DLGAP2: variants seen among roughly 807,000 people sequenced by gnomAD.
The protein encoded by DLGAP2 is disks large-associated protein 2.
Under a neutral mutation model 100.3 loss-of-function variants are expected in DLGAP2, and 26 were observed. That is an observed-to-expected ratio of 0.26 (90% CI 0.19 to 0.36). DLGAP2 has a LOEUF of 0.36. Among genes scored for constraint, DLGAP2 ranks in the 10% least tolerant of loss-of-function variants. DLGAP2 has a pLI of 1.00. For synonymous variants in DLGAP2, 886 were observed against 630.1 expected (o/e 1.41, Z -6.08); for missense variants, 1,858 against 1,453.2 (o/e 1.28, Z -4.53).
At chr8:1,604,906 C>T (rs1182621056) in intron 6 of DLGAP2, among the ~76,000 whole-genome samples, 2 of 152,192 alleles carry the variant, frequency 1.3e-5, no homozygotes, top group African/African-American at 4.8e-5. Flanking sequence ...GTTAGAATCG[C>T]TGAGCTTAGC....
chr8:1,275,421 C>G (rs866884342), intron 3 of DLGAP2, among the ~76,000 whole-genome samples: 1 of 151,036 alleles, frequency 6.6e-6, no homozygotes, highest in Non-Finnish European at 1.5e-5. Flanking sequence ...TCACATACAT[C>G]ACATTTACCA....
At chr8:1,188,911 C>G (rs1260412606) in intron 2 of DLGAP2, among the ~76,000 whole-genome samples, 1 of 152,222 alleles carries the variant, frequency 6.6e-6, no homozygotes, top group Non-Finnish European at 1.5e-5. Context: ...TCTCCTCACA[C>G]AGGTTGCCTT....
chr8:1,013,451 C>A (rs1041983030), intron 2 of DLGAP2, among the ~76,000 whole-genome samples: 1 of 151,962 alleles, frequency 6.6e-6, no homozygotes, highest in African/African-American at 2.4e-5. Flanking sequence ...CAGCAGGAAT[C>A]GGAATAGGAG....
intron 12 of DLGAP2, 145 bp downstream of exon 12, chr8:1,678,774 A>C (rs1798873793): frequency 1.2e-6 from 1 of 841,104 alleles, no homozygotes; most frequent in South Asian, 3.2e-5. Context: ...TATCCCCCTC[A>C]ATTCTAAGAA....
At chr8:1,683,629 G>A (rs1448185726) in intron 12 of DLGAP2, among the ~76,000 whole-genome samples, 1 of 150,360 alleles carries the variant, frequency 6.7e-6, no homozygotes, top group African/African-American at 2.4e-5. Flanking sequence ...AATAGGAATG[G>A]GGAGGAAGAG....
chr8:1,455,535 C>T (rs1798288335), intron 3 of DLGAP2, among the ~76,000 whole-genome samples: 1 of 152,226 alleles, frequency 6.6e-6, no homozygotes, highest in African/African-American at 2.4e-5. Context: ...GGAAGTCAGT[C>T]CGCCTGACAC....
At chr8:744,679 C>T (rs1041578329) in intron 1 of DLGAP2, among the ~76,000 whole-genome samples, 12 of 151,084 alleles carry the variant, frequency 7.9e-5, no homozygotes, top group South Asian at 2.1e-4. Flanking sequence ...GCCTCTTCTC[C>T]GGCCACGTCG....
Position 1,632,981 on chromosome 8 carries a change from A to G in DLGAP2, c.1745A>G (p.Gln582Arg). Residue 582 changes from glutamine to arginine, a missense_variant, in exon 8 of 15, where the codon CAA becomes CGA. Gln to Arg is a conservative substitution (Grantham distance 43, BLOSUM62 1). Coordinates refer to ENST00000637795, the MANE Select transcript of DLGAP2 (RefSeq NM_001346810.2). Reference sequence around the variant, plus strand: ...CGAGCCATTCAAGCCGGCTACTCCCAAGATGACGAATGTATTCCCATGATG... The same window carrying G: ...CGAGCCATTCAAGCCGGCTACTCCCGAGATGACGAATGTATTCCCATGATG... ...YLRAIQAGYS[Q>R]DDECIPMMTP... 1 of 1,614,006 alleles carries G rather than the reference A, an allele frequency of 6.2e-7. No individual in the cohort carries two copies. Among genetic ancestry groups the G allele is most frequent in the Non-Finnish European group, 8.5e-7 (1 of 1,179,886 alleles).
intron 3 of DLGAP2, among the ~76,000 whole-genome samples, chr8:1,270,359 G>T (rs190737394): frequency 6.6e-6 from 1 of 152,214 alleles, no homozygotes; most frequent in African/African-American, 2.4e-5. Context: ...GGGCAATGGG[G>T]AGAATGAATG....
intron 4 of DLGAP2, among the ~76,000 whole-genome samples, chr8:1,510,628 A>G (rs561191871): frequency 6.6e-6 from 1 of 152,344 alleles, no homozygotes; most frequent in South Asian, 2.1e-4. Flanking sequence ...TGAAGGTCAC[A>G]GGACGCGCAT....
chr8:1,655,375 A>G (rs1302466382), intron 8 of DLGAP2, among the ~76,000 whole-genome samples: 2 of 152,172 alleles, frequency 1.3e-5, no homozygotes, highest in African/African-American at 4.8e-5. Flanking sequence ...CTTTTATGCT[A>G]TCATCCTTGA....
chr8:1,668,530 A>T lies in DLGAP2; in HGVS notation c.2012A>T (p.Lys671Met), dbSNP rs1481244544. 6.3e-7 allele frequency: 1 copy of T among 1,593,422 alleles called. No individual in the cohort carries two copies. Among genetic ancestry groups the T allele is most frequent in the Non-Finnish European group, 8.5e-7 (1 of 1,171,058 alleles). Reference sequence around the variant, plus strand: ...TCCACGGACAGCCTGGACAGCAACAAGGCCATGAACCTCGCGCTGGAAACG... The same window carrying T: ...TCCACGGACAGCCTGGACAGCAACATGGCCATGAACCTCGCGCTGGAAACG... ...YNSTDSLDSNKAMNLALETAA... is the reference protein window; with the variant it reads ...YNSTDSLDSNMAMNLALETAA... Residue 671 changes from lysine (K) to methionine (M), a missense_variant, in exon 9 of 15, where the codon AAG becomes ATG. By Grantham distance (95) the Lys-to-Met change is moderately conservative (BLOSUM62 -1). Coordinates refer to ENST00000637795, the MANE Select transcript of DLGAP2 (RefSeq NM_001346810.2).
chr8:1,175,692 A>C (rs970348084), intron 2 of DLGAP2, among the ~76,000 whole-genome samples: 1 of 152,212 alleles, frequency 6.6e-6, no homozygotes, highest in African/African-American at 2.4e-5. Context: ...TTTAGGGGTT[A>C]GATATCAGCA....
rs543573806 is a variant in DLGAP2 at position 817,417 on chromosome 8, C to T, written c.18+79592C>T. Among the ~76,000 whole-genome samples the T allele has an allele frequency of 3.9e-5, 6 of 152,344 alleles. No individual in the cohort carries two copies. The East Asian group carries it at 9.7e-4, about 25-fold the overall frequency. ...TTAAGTTGGACTTCACCTTTCTCTGCTGCGTCCTTGATTAGCTTAATAATT... is the reference window on the plus strand; with the variant it reads ...TTAAGTTGGACTTCACCTTTCTCTGTTGCGTCCTTGATTAGCTTAATAATT... On this transcript the variant is annotated intron_variant, in intron 1 of 14. Transcript: ENST00000637795.
intron 2 of DLGAP2, among the ~76,000 whole-genome samples, chr8:1,040,748 T>C (rs981145571): frequency 6.6e-6 from 1 of 151,954 alleles, no homozygotes; most frequent in Non-Finnish European, 1.5e-5. Flanking sequence ...TCAGAAGAGG[T>C]GCATATGAGG....
At chr8:745,378 G>A (rs1057280314) in intron 1 of DLGAP2, among the ~76,000 whole-genome samples, 7 of 152,208 alleles carry the variant, frequency 4.6e-5, no homozygotes. Context: ...AAATGTTCTA[G>A]GTTGTCACTA....
chr8:796,260 C>CTGA (rs1796034933), intron 1 of DLGAP2, among the ~76,000 whole-genome samples: 2 of 152,190 alleles, frequency 1.3e-5, no homozygotes, highest in Admixed American at 1.3e-4. Context: ...CGGTGATGAG[C>CTGA]TGACTCTGGT....
At chr8:1,655,758 C>T (rs895323199) in intron 8 of DLGAP2, among the ~76,000 whole-genome samples, 1 of 152,246 alleles carries the variant, frequency 6.6e-6, no homozygotes, top group Non-Finnish European at 1.5e-5. Flanking sequence ...GCTAACCCAA[C>T]ACCTTGAAGA....
intron 8 of DLGAP2, among the ~76,000 whole-genome samples, chr8:1,663,917 A>T (rs1798477901): frequency 6.6e-6 from 1 of 152,164 alleles, no homozygotes; most frequent in South Asian, 2.1e-4. Flanking sequence ...AGAAAAGAAG[A>T]AGTCAGGCCG....
Sources: allele counts gnomAD v4.1 joint callset (sites outside exome capture counted in the v4.1 genomes callset), GRCh38; gene constraint gnomAD v4.1.1; transcripts MANE v1.5; gene names NCBI Gene and HGNC (gene_info 2026-07-23, HGNC 2026-07-21).